Variants in ANKRD12 observed in about 807,000 individuals in gnomAD.
ANKRD12 encodes the protein ankyrin repeat domain 12, also known as ankyrin repeat domain-containing protein 12.
Under a neutral mutation model 183.4 loss-of-function variants are expected in ANKRD12, and 85 were observed. The ratio of observed to expected loss-of-function variants is 0.46; its 90% CI spans 0.39 to 0.56. The LOEUF is 0.56. ANKRD12 is among the 20% of genes least tolerant of loss of function. The pLI, the probability that ANKRD12 is intolerant of heterozygous loss-of-function variation, is 0.00. For synonymous variants in ANKRD12, 914 were observed against 800.2 expected (o/e 1.14, Z -2.40); for missense variants, 2,405 against 2,357.1 (o/e 1.02, Z -0.42).
intron 6 of ANKRD12, among the ~76,000 whole-genome samples, chr18:9,214,343 A>G (rs2035973710): frequency 6.6e-6 from 1 of 151,616 alleles, no homozygotes. Flanking sequence ...AAGATGCAGT[A>G]TTAAATCATA....
chr18:9,275,345 T>C (rs906416939), intron 10 of ANKRD12, among the ~76,000 whole-genome samples, 179 bp from the exon 11 acceptor site: 2 of 152,054 alleles, frequency 1.3e-5, no homozygotes, highest in African/African-American at 4.8e-5. Flanking sequence ...TCATGGCACA[T>C]GCCTGTAGTC....
In ANKRD12 at chr18:9,256,605, G is replaced by A. The variant is rs757332856; in HGVS notation, c.3338G>A (p.Arg1113Gln). The A allele has an allele frequency of 2.9e-5, 47 of 1,601,750 alleles. No homozygotes were observed. The highest frequency in any genetic ancestry group is 4.5e-5 in the East Asian group (2 of 44,824). Reference protein sequence around the residue: ...KQKEKERLRNRNCLELKIKDK... With the variant: ...KQKEKERLRNQNCLELKIKDK... Reference sequence around the variant, plus strand: ...AAAGAAAAGGAACGGTTGAGAAACCGAAACTGTTTAGAACTTAAAATAAAA... The same window carrying A: ...AAAGAAAAGGAACGGTTGAGAAACCAAAACTGTTTAGAACTTAAAATAAAA... Residue 1113 changes from arginine to glutamine, a missense_variant, in exon 9 of 13, where the codon CGA (arginine) becomes CAA (glutamine). Arg to Gln is a conservative substitution (Grantham distance 43). Around this residue, in one of 7 missense-constraint regions of ANKRD12, gnomAD observed 1,983 missense variants for 1,725.9 expected, o/e 1.15. Transcript: ENST00000262126.
At position 9,195,625 on chromosome 18, in the gene ANKRD12, G is replaced by T. The variant is rs371617857; in HGVS notation, c.162G>T (p.Glu54Asp). The T allele has an allele frequency of 6.2e-7, 1 of 1,613,102 alleles. No individual in the cohort carries two copies. ...ERSDVSKEMK[E>D]KSSMKRKLPF... ...GTGATGTGAGCAAGGAGATGAAAGAGAAATCATCCATGAAACGTAAACTTC... is the reference window on the plus strand; with the variant it reads ...GTGATGTGAGCAAGGAGATGAAAGATAAATCATCCATGAAACGTAAACTTC... The change falls in exon 3 of 13, where the codon GAG becomes GAT. Residue 54 changes from glutamate (E) to aspartate (D), a missense_variant. Physicochemically the swap from Glu to Asp is conservative, Grantham distance 45. This residue lies in a region of ANKRD12 where 145 missense variants were observed against 145.6 expected (regional missense o/e 1.00). Coordinates refer to ENST00000262126, the MANE Select transcript of ANKRD12 (RefSeq NM_015208.5).
At chr18:9,209,027 A>G (rs1261983542) in intron 5 of ANKRD12, among the ~76,000 whole-genome samples, 1 of 152,202 alleles carries the variant, frequency 6.6e-6, no homozygotes, top group Non-Finnish European at 1.5e-5. Context: ...TCTTTACACC[A>G]TGTGTAATCC....
chr18:9,277,968 A>G (rs918080890), intron 11 of ANKRD12, among the ~76,000 whole-genome samples: 4 of 152,228 alleles, frequency 2.6e-5, no homozygotes, highest in African/African-American at 9.6e-5. Context: ...GATTAAATTA[A>G]GCTTGCTGAG....
At chr18:9,163,279 A>T (rs1331601782) in intron 1 of ANKRD12, among the ~76,000 whole-genome samples, 1 of 152,106 alleles carries the variant, frequency 6.6e-6, no homozygotes, top group East Asian at 1.9e-4. Flanking sequence ...AGCTCTCCTA[A>T]CACCATTTAT....
chr18:9,170,522 C>G (rs967474588), intron 1 of ANKRD12, among the ~76,000 whole-genome samples: 16 of 152,204 alleles, frequency 1.1e-4, no homozygotes, highest in Non-Finnish European at 2.4e-4. Context: ...CTTCTGCATT[C>G]GTCATGTAGC....
chr18:9,149,997 A>G (rs919051173), intron 1 of ANKRD12, among the ~76,000 whole-genome samples: 3 of 151,832 alleles, frequency 2.0e-5, no homozygotes, highest in African/African-American at 7.3e-5. Context: ...GGGTTTCACC[A>G]TGTTGGCCAG....
At chr18:9,227,552 A>G (rs2036793121) in intron 8 of ANKRD12, among the ~76,000 whole-genome samples, 1 of 152,178 alleles carries the variant, frequency 6.6e-6, no homozygotes. Context: ...TTAGGAGACA[A>G]TTTGGAGCAG....
chr18:9,279,733 T>G lies in ANKRD12; in HGVS notation c.6003+89T>G, dbSNP rs555765857. The G allele has an allele frequency of 9.8e-5, 72 of 731,006 alleles. 4 individuals carry two copies. Among genetic ancestry groups the G allele is most frequent in the South Asian group, 8.8e-4 (46 of 52,146 alleles). The allele number at this position is 731,006 out of a possible 1,614,324, so 45.3% of individuals were successfully genotyped here. A position where few individuals can be genotyped will look rare whatever the true frequency, so the allele number is the denominator to read the frequency against. ...TACAGCTGTATTAGGGAGAAATAAT[T>G]AGGAGGGGAAATACTGGTTAGTCAT... On this transcript the variant is annotated intron_variant, in intron 12 of 12. Transcript: ENST00000262126.
rs746441176 is a variant in ANKRD12, at chr18:9,281,012, C to G, written c.6075C>G (p.Leu2025=). 17 of 1,614,012 alleles carry G rather than the reference C, an allele frequency of 1.1e-5. No homozygotes were observed. Among genetic ancestry groups the G allele is most frequent in the Non-Finnish European group, 1.3e-5 (15 of 1,180,016 alleles). ...CTGTCCAGAGGTTAGAATGGCAGCT[C>G]AAACTCCAGGAACTTGATCCTGCCA... ...LNAVQRLEWQ[L]KLQELDPATY... is the part of the protein sequence containing the mutation. Residue 2025 remains leucine (L), a synonymous_variant, in exon 13 of 13, where the codon CTC becomes CTG. Transcript: ENST00000262126.
intron 8 of ANKRD12, among the ~76,000 whole-genome samples, chr18:9,244,360 CTT>C (rs886073788): frequency 1.3e-5 from 2 of 151,672 alleles, no homozygotes; most frequent in African/African-American, 2.4e-5. Flanking sequence ...AGACTTAACT[CTT>C]TTTTTTGAGA....
intron 1 of ANKRD12, among the ~76,000 whole-genome samples, chr18:9,146,965 C>T (rs2078513169): frequency 6.6e-6 from 1 of 152,132 alleles, no homozygotes; most frequent in Non-Finnish European, 1.5e-5. Flanking sequence ...GTAATTTGAG[C>T]AGTGTTATTA....
At chr18:9,217,189 TTATATA>T (rs1019614288) in intron 7 of ANKRD12, among the ~76,000 whole-genome samples, 3 of 152,202 alleles carry the variant, frequency 2.0e-5, no homozygotes, top group Non-Finnish European at 4.4e-5. Context: ...AAAGCAGTCT[TTATATA>T]TAGTAAAAAT....
At chr18:9,278,684 C>T (rs568253986) in intron 11 of ANKRD12, among the ~76,000 whole-genome samples, 45 of 152,182 alleles carry the variant, frequency 3.0e-4, no homozygotes, top group Non-Finnish European at 4.7e-4. Flanking sequence ...GTAATCCCAG[C>T]TACCTGGGAG....
In ANKRD12 at chr18:9,256,869, C is replaced by G. The variant is rs2038662826; in HGVS notation, c.3602C>G (p.Ser1201Cys). 1 of 1,613,928 alleles carries G rather than the reference C, an allele frequency of 6.2e-7. No homozygotes were observed. Among genetic ancestry groups the G allele is most frequent in the East Asian group, 2.2e-5 (1 of 44,888 alleles). ...GAAAATGAAAAGCCGGGTCTCAGCT[C>G]CAGATCTGTATCCATGATTTCTGTT... ...RSENEKPGLSSRSVSMISVAS... is the reference protein window; with the variant it reads ...RSENEKPGLSCRSVSMISVAS... Residue 1201 changes from serine to cysteine, a missense_variant, in exon 9 of 13, where the codon TCC becomes TGC. Ser to Cys is a moderately radical substitution (Grantham distance 112). This residue lies in a region of ANKRD12 where 1,983 missense variants were observed against 1,725.9 expected (regional missense o/e 1.15). Transcript: ENST00000262126.
At chr18:9,161,081 C>T (rs1186625275) in intron 1 of ANKRD12, among the ~76,000 whole-genome samples, 1 of 151,994 alleles carries the variant, frequency 6.6e-6, no homozygotes, top group Non-Finnish European at 1.5e-5. Context: ...TCAAGCAATC[C>T]TCTTGCCTTG....
At chr18:9,178,017 G>T (rs2033411976) in intron 1 of ANKRD12, among the ~76,000 whole-genome samples, 2 of 152,160 alleles carry the variant, frequency 1.3e-5, no homozygotes, top group Admixed American at 1.3e-4. Context: ...ATATAATCTG[G>T]ATAGAAGTCC....
chr18:9,254,132 T>C, intron 8 of ANKRD12, 79 bp from the exon 9 acceptor site: 1 of 1,428,694 alleles, frequency 7.0e-7, no homozygotes. Context: ...AGCTATATCT[T>C]TTTCTCAGAA....
Sources: allele counts gnomAD v4.1 joint callset (sites outside exome capture counted in the v4.1 genomes callset), GRCh38; gene constraint gnomAD v4.1.1; regional missense constraint gnomAD v4.1.1; transcripts MANE v1.5; gene names NCBI Gene and HGNC (gene_info 2026-07-23, HGNC 2026-07-21).